SLC8A1: variants seen among roughly 807,000 people sequenced by gnomAD.
SLC8A1 encodes sodium/calcium exchanger 1.
In SLC8A1, 18 loss-of-function variants were observed where a neutral mutation model predicts 68.3. That is an observed-to-expected ratio of 0.26 (90% CI 0.18 to 0.39). The LOEUF (loss-of-function observed/expected upper bound fraction) is 0.39, where lower values mean the gene tolerates loss of function less well. Among genes scored for constraint, SLC8A1 ranks in the 10% least tolerant of loss-of-function variants. SLC8A1 has a pLI of 1.00. For missense variants in SLC8A1, 985 were observed against 1,156.7 expected, an observed-to-expected ratio of 0.85 and a Z score of 2.15; for synonymous variants, 475 against 415.5, an observed-to-expected ratio of 1.14 and a Z score of -1.74.
chr2:40,361,738 C>T (rs1460760364), intron 2 of SLC8A1, among the ~76,000 whole-genome samples: 1 of 151,838 alleles, frequency 6.6e-6, no homozygotes, highest in Non-Finnish European at 1.5e-5. Flanking sequence ...GGTAAGTGGC[C>T]ACACGTATCG....
intron 2 of SLC8A1, among the ~76,000 whole-genome samples, chr2:40,356,667 T>C (rs1022992035): frequency 6.6e-6 from 1 of 151,724 alleles, no homozygotes. Flanking sequence ...CAAAATCACG[T>C]ATGGCCCCAT....
intron 2 of SLC8A1, among the ~76,000 whole-genome samples, chr2:40,247,536 G>T (rs557597155): frequency 5.9e-5 from 9 of 152,088 alleles, no homozygotes; most frequent in African/African-American, 2.2e-4. Context: ...TAGAGCACCA[G>T]ATGGTGTTAC....
At chr2:40,168,617 T>C (rs2046946977) in intron 4 of SLC8A1, among the ~76,000 whole-genome samples, 1 of 152,236 alleles carries the variant, frequency 6.6e-6, no homozygotes, top group Non-Finnish European at 1.5e-5. Context: ...ATACTTTCTG[T>C]TGAATACGGA....
At chr2:40,376,348 A>C (rs1679856048) in intron 2 of SLC8A1, among the ~76,000 whole-genome samples, 1 of 152,118 alleles carries the variant, frequency 6.6e-6, no homozygotes, top group Admixed American at 6.6e-5. Flanking sequence ...TTAGAGATAG[A>C]CAGTAGCTAT....
chr2:40,152,561 C>T (rs754048469), intron 6 of SLC8A1, among the ~76,000 whole-genome samples: 2 of 151,630 alleles, frequency 1.3e-5, no homozygotes, highest in African/African-American at 4.8e-5. Flanking sequence ...TGCACCACTA[C>T]GCCTAGCTAA....
At chr2:40,148,048 C>G (rs1045799217) in intron 6 of SLC8A1, among the ~76,000 whole-genome samples, 9 of 152,206 alleles carry the variant, frequency 5.9e-5, no homozygotes, top group African/African-American at 2.2e-4. Flanking sequence ...AGAAAAATCT[C>G]TGTGGTTTGT....
At chr2:40,450,495 A>G (rs1048402310) in intron 1 of SLC8A1, among the ~76,000 whole-genome samples, 5 of 152,128 alleles carry the variant, frequency 3.3e-5, no homozygotes, top group African/African-American at 9.7e-5. Context: ...TCAACTGCTC[A>G]TATCTGGAGA....
chr2:40,412,812 A>G (rs1288192784), intron 2 of SLC8A1, among the ~76,000 whole-genome samples: 1 of 152,200 alleles, frequency 6.6e-6, no homozygotes, highest in African/African-American at 2.4e-5. Context: ...GATGAAAACT[A>G]TTGATGGATA....
At chr2:40,379,070 T>C (rs568481526) in intron 2 of SLC8A1, among the ~76,000 whole-genome samples, 59 of 152,250 alleles carry the variant, frequency 3.9e-4, no homozygotes, top group African/African-American at 1.4e-3. Flanking sequence ...GTTTCCAGAA[T>C]AGCATCTGGC....
chr2:40,417,030 G>T (rs1218120576), intron 2 of SLC8A1, among the ~76,000 whole-genome samples: 1 of 152,076 alleles, frequency 6.6e-6, no homozygotes, highest in Non-Finnish European at 1.5e-5. Context: ...AAGTACAGAG[G>T]TCTCTGCAAA....
chr2:40,179,321 G>A (rs2049028663), intron 2 of SLC8A1, among the ~76,000 whole-genome samples: 1 of 152,210 alleles, frequency 6.6e-6, no homozygotes, highest in South Asian at 2.1e-4. Context: ...GATACACCAA[G>A]GTGTTTTGAT....
intron 2 of SLC8A1, among the ~76,000 whole-genome samples, chr2:40,253,155 A>G (rs1322465917): frequency 8.0e-6 from 1 of 124,240 alleles, no homozygotes; most frequent in Non-Finnish European, 1.6e-5. Context: ...ATATACATAC[A>G]TATATATGTA....
chr2:40,309,289 A>C (rs2073245303), intron 2 of SLC8A1, among the ~76,000 whole-genome samples: 1 of 152,170 alleles, frequency 6.6e-6, no homozygotes, highest in Non-Finnish European at 1.5e-5. Flanking sequence ...TATTTATTGC[A>C]GCTTCCTGTT....
chr2:40,482,994 C>T lies in SLC8A1; in HGVS notation c.-25+29355G>A, dbSNP rs575472356. ...TTCTTTTTTGCATTTTTAGTAGAGA[C>T]GGGGTTTCACCGTGTTAGCCAGGAT... On this transcript the variant is annotated intron_variant, in intron 1 of 7. Transcript: ENST00000402441. 1.1e-4 allele frequency among the ~76,000 whole-genome samples: 16 copies of T among 146,950 alleles called. No homozygotes were observed. The East Asian group carries it at 3.0e-3, about 28-fold the overall frequency.
intron 2 of SLC8A1, among the ~76,000 whole-genome samples, chr2:40,318,397 G>C (rs921414095): frequency 7.2e-5 from 11 of 151,826 alleles, no homozygotes; most frequent in Admixed American, 2.0e-4. Flanking sequence ...CACTTACTAT[G>C]TACCAAGGAT....
intron 4 of SLC8A1, among the ~76,000 whole-genome samples, chr2:40,172,265 T>C (rs1412061199): frequency 6.6e-6 from 1 of 152,198 alleles, no homozygotes; most frequent in Admixed American, 6.5e-5. Flanking sequence ...AGAAGGGTCA[T>C]GTAAAGTGAG....
intron 2 of SLC8A1, among the ~76,000 whole-genome samples, chr2:40,309,925 G>C (rs188444336): frequency 1.3e-5 from 2 of 152,148 alleles, no homozygotes; most frequent in East Asian, 1.9e-4. Context: ...TCTAATTCCA[G>C]AACATTGTAT....
Position 40,243,488 on chromosome 2 carries a change from A to G in SLC8A1, c.1809-65633T>C, listed in dbSNP as rs1264616290. Among the ~76,000 whole-genome samples, 4 of 152,196 alleles carry G rather than the reference A, an allele frequency of 2.6e-5. No individual in the cohort carries two copies. In the East Asian group the frequency reaches 5.8e-4, roughly 22 times the overall value. ...ACAAAGTGAGACCCTGTCTCAAAAAAGAGAAAAAGAAAAGAAAGATTTCTC... is the reference window on the plus strand; with the variant it reads ...ACAAAGTGAGACCCTGTCTCAAAAAGGAGAAAAAGAAAAGAAAGATTTCTC... On this transcript the variant is annotated intron_variant, in intron 2 of 7. Transcript: ENST00000406785.
At chr2:40,267,431 T>C (rs1237028713) in intron 2 of SLC8A1, among the ~76,000 whole-genome samples, 1 of 152,228 alleles carries the variant, frequency 6.6e-6, no homozygotes, top group Non-Finnish European at 1.5e-5. Context: ...TTCTGTGTAC[T>C]ATGCTTTTCT....
Sources: gnomAD v4.1 joint callset for allele counts (sites outside exome capture counted in the v4.1 genomes callset) on GRCh38, gnomAD v4.1.1 for gene constraint, MANE v1.5 for transcripts, NCBI Gene and HGNC (gene_info 2026-07-23, HGNC 2026-07-21) for gene names.